The following CLCN5 variants were observed in gnomAD, a reference collection of about 807,000 sequenced individuals.
CLCN5 encodes Cl-/H+ antiporter 5.
A neutral mutation model predicts 54.0 loss-of-function variants in CLCN5; 17 were observed. The ratio of observed to expected loss-of-function variants is 0.31; its 90% CI spans 0.22 to 0.47. CLCN5 has a LOEUF of 0.47. Among genes scored for constraint, CLCN5 ranks in the 20% least tolerant of loss-of-function variants. The pLI is 1.00. For synonymous variants in CLCN5, 222 were observed against 233.0 expected, an observed-to-expected ratio of 0.95 and a Z score of 0.43; for missense variants, 448 against 646.7, an observed-to-expected ratio of 0.69 and a Z score of 3.33.
At chrX:49,974,648 T>C (rs1557176724) in intron 3 of CLCN5, among the ~76,000 whole-genome samples, 1 of 111,925 alleles carries the variant, frequency 8.9e-6, no homozygotes, top group African/African-American at 3.2e-5. Flanking sequence ...CATCTCTATC[T>C]GATTCCAAAG....
intron 3 of CLCN5, among the ~76,000 whole-genome samples, chrX:50,025,864 C>T (rs1309389037): frequency 1.8e-5 from 2 of 111,560 alleles, no homozygotes; most frequent in Non-Finnish European, 3.8e-5. Context: ...TGTTGATGTC[C>T]TGTTTTCAGT....
chrX:50,017,038 C>A (rs930736123), intron 3 of CLCN5, among the ~76,000 whole-genome samples: 1 of 111,696 alleles, frequency 9.0e-6, no homozygotes, highest in Non-Finnish European at 1.9e-5. Context: ...CACTGAAGGG[C>A]AGCTTGGTTC....
chrX:50,051,438 T>C, intron 4 of CLCN5, among the ~76,000 whole-genome samples: 1 of 112,185 alleles, frequency 8.9e-6, no homozygotes, highest in East Asian at 2.8e-4. Context: ...ATGGTAAATC[T>C]TGAAATGAGG....
chrX:49,934,435 CCTT>C (rs1414762645), intron 3 of CLCN5, among the ~76,000 whole-genome samples: 2 of 111,367 alleles, frequency 1.8e-5, no homozygotes, highest in Non-Finnish European at 3.8e-5. Context: ...GCCAGATTCT[CCTT>C]CTTCTTTTCC....
At chrX:50,066,036 T>A (rs1361992027) in intron 4 of CLCN5, among the ~76,000 whole-genome samples, 32 of 99,627 alleles carry the variant, frequency 3.2e-4, no homozygotes, top group African/African-American at 1.1e-3. Flanking sequence ...GGGGAAGGGA[T>A]AGCATTGGGA....
At chrX:49,935,085 C>G (rs1364465188) in intron 3 of CLCN5, among the ~76,000 whole-genome samples, 1 of 111,708 alleles carries the variant, frequency 9.0e-6, no homozygotes, top group Non-Finnish European at 1.9e-5. Flanking sequence ...GGTCCTGTAC[C>G]CCAGTAATAC....
intron 4 of CLCN5, among the ~76,000 whole-genome samples, chrX:50,044,753 A>G (rs2147481669): frequency 9.0e-6 from 1 of 111,643 alleles, no homozygotes; most frequent in East Asian, 2.9e-4. Context: ...GGGGAATGTC[A>G]CAATGGCTTG....
At chrX:50,003,979 A>G in intron 3 of CLCN5, among the ~76,000 whole-genome samples, 1 of 112,036 alleles carries the variant, frequency 8.9e-6, no homozygotes, top group Non-Finnish European at 1.9e-5. Flanking sequence ...ATATGCAAAG[A>G]TGTAATATGC....
In CLCN5 at chrX:50,090,765, C is replaced by A; in HGVS notation, c.2239C>A (p.Leu747Ile). 1 of 1,211,168 alleles carries A rather than the reference C, an allele frequency of 8.3e-7. No individual in the cohort carries two copies. The highest frequency in any genetic ancestry group is 1.1e-6 in the Non-Finnish European group (1 of 894,936). Residue 747 changes from leucine to isoleucine, a missense_variant, in exon 14 of 15, where the codon CTA becomes ATA. Around this residue, in one of 5 missense-constraint regions of CLCN5, gnomAD observed 297 missense variants for 470.4 expected, o/e 0.63. Coordinates refer to ENST00000376091, the MANE Select transcript of CLCN5 (RefSeq NM_001127898.4). ...ATTGCCACCATACACTCCACCCACT[C>A]TAAAGCTTCGGAACATCCTCGATCT... The part of the protein sequence containing the change: ...PPLPPYTPPT[L>I]KLRNILDLSP...
chrX:50,079,815 G>A (rs1206871840), intron 7 of CLCN5, among the ~76,000 whole-genome samples: 3 of 110,696 alleles, frequency 2.7e-5, no homozygotes, highest in African/African-American at 9.9e-5. Context: ...GGGAGAAGTG[G>A]ACCAAAGGGT....
At chrX:49,930,897 T>C (rs1206924723) in intron 3 of CLCN5, among the ~76,000 whole-genome samples, 1 of 111,732 alleles carries the variant, frequency 8.9e-6, no homozygotes, top group African/African-American at 3.3e-5. Context: ...CAGCTACACC[T>C]TTATCAGCTG....
At chrX:50,037,833 T>G (rs782476526) in intron 3 of CLCN5, among the ~76,000 whole-genome samples, 3 of 112,048 alleles carry the variant, frequency 2.7e-5, no homozygotes, top group African/African-American at 9.7e-5. Context: ...AACATACATG[T>G]TGTCAATATA....
At chrX:49,931,795 C>T (rs896387121) in intron 3 of CLCN5, among the ~76,000 whole-genome samples, 20 of 105,753 alleles carry the variant, frequency 1.9e-4, no homozygotes, top group East Asian at 9.0e-4. Flanking sequence ...GCACACCTGT[C>T]GTCCCAGCTA....
intron 3 of CLCN5, among the ~76,000 whole-genome samples, chrX:50,036,550 A>G (rs1932006043): frequency 1.8e-5 from 2 of 112,027 alleles, no homozygotes; most frequent in African/African-American, 3.2e-5. Flanking sequence ...TTATAGTGTC[A>G]TTATTTTGTT....
rs1602057463 is a variant in CLCN5, at chrX:50,019,782, C to T, written c.17-22534C>T. Among the ~76,000 whole-genome samples, 3 of 6,273 alleles carry T rather than the reference C, an allele frequency of 4.8e-4. 1 individual carries two copies. The highest frequency in any genetic ancestry group is 2.2e-3 in the African/African-American group (3 of 1,337). The allele number at this position is 6,273 out of a possible 115,157, so 5.4% of individuals were successfully genotyped here. ...TGAGAATGATGGTTTCCAATTTCATCCATGTCCCTACAAAGGATATGAACT... is the reference window on the plus strand; with the variant it reads ...TGAGAATGATGGTTTCCAATTTCATTCATGTCCCTACAAAGGATATGAACT... On this transcript the variant is annotated intron_variant, in intron 3 of 14. Transcript: ENST00000376091.
chrX:50,036,092 GT>G (rs1325890107), intron 3 of CLCN5, among the ~76,000 whole-genome samples: 3 of 112,007 alleles, frequency 2.7e-5, no homozygotes, highest in African/African-American at 9.7e-5. Context: ...GCCCCAGTGT[GT>G]TATGGAAAGA....
At chrX:49,946,611 A>G (rs939497121) in intron 3 of CLCN5, among the ~76,000 whole-genome samples, 1 of 110,759 alleles carries the variant, frequency 9.0e-6, no homozygotes, top group African/African-American at 3.3e-5. Flanking sequence ...ATACACATAT[A>G]TACCTAGTCA....
intron 3 of CLCN5, among the ~76,000 whole-genome samples, chrX:49,999,568 G>A (rs1557180070): frequency 9.0e-6 from 1 of 110,905 alleles, no homozygotes; most frequent in African/African-American, 3.3e-5. Context: ...TGCTTTGTAT[G>A]GTAGATGTGT....
chrX:50,026,598 C>A (rs1005725462), intron 3 of CLCN5, among the ~76,000 whole-genome samples: 4 of 111,578 alleles, frequency 3.6e-5, no homozygotes, highest in African/African-American at 1.3e-4. Context: ...AGAGTATTGA[C>A]CCCTTTATCA....
Sources: gnomAD v4.1 joint callset for allele counts (sites outside exome capture counted in the v4.1 genomes callset) on GRCh38, gnomAD v4.1.1 for gene constraint, gnomAD v4.1.1 regional missense constraint, MANE v1.5 for transcripts, NCBI Gene and HGNC (gene_info 2026-07-23, HGNC 2026-07-21) for gene names.